The following ZBTB40 variants were observed in gnomAD, a reference collection of about 807,000 sequenced individuals.
The protein encoded by ZBTB40 is zinc finger and BTB domain containing 40.
In ZBTB40, 60 loss-of-function variants were observed where a neutral mutation model predicts 117.5. The ratio of observed to expected loss-of-function variants is 0.51; its 90% CI spans 0.41 to 0.63. The LOEUF is 0.63. Among genes scored for constraint, ZBTB40 ranks in the 30% least tolerant of loss-of-function variants. The pLI, the probability that ZBTB40 is intolerant of heterozygous loss-of-function variation, is 0.00. For missense variants in ZBTB40, 1,287 were observed against 1,498.5 expected, an observed-to-expected ratio of 0.86 and a Z score of 2.33; for synonymous variants, 525 against 577.1, an observed-to-expected ratio of 0.91 and a Z score of 1.29.
rs767354439 is a variant in ZBTB40, at chr1:22,526,402, C to G, written c.*6C>G. ...TCTGTGGTGAGGCCAAATGAGCAGC[C>G]TTTCATCCGGCAGAGCCTTCCTGCG... On this transcript the variant is annotated 3_prime_UTR_variant, in exon 18 of 18. Transcript: ENST00000375647. 1.9e-6 allele frequency: 3 copies of G among 1,613,904 alleles called. No homozygotes were observed. Among genetic ancestry groups the G allele is most frequent in the Non-Finnish European group, 1.7e-6 (2 of 1,180,022 alleles).
chr1:22,435,437 T>G (rs1265699583), intron 1 of ZBTB40, among the ~76,000 whole-genome samples: 2 of 152,344 alleles, frequency 1.3e-5, no homozygotes, highest in South Asian at 2.1e-4. Flanking sequence ...CCACCTTATC[T>G]TAGCACATTT....
chr1:22,440,097 T>C (rs188555364), intron 1 of ZBTB40, among the ~76,000 whole-genome samples: 2 of 152,226 alleles, frequency 1.3e-5, no homozygotes, highest in Non-Finnish European at 2.9e-5. Context: ...AATGGAACTG[T>C]TTTTGTAATT....
rs559798879 is a variant in ZBTB40, at chr1:22,495,536, G to A, written c.831+4003G>A. Among the ~76,000 whole-genome samples the A allele has an allele frequency of 3.3e-5, 5 of 151,980 alleles. No individual in the cohort carries two copies. The South Asian group carries it at 8.3e-4, about 25-fold the overall frequency. On this transcript the variant is annotated intron_variant, in intron 3 of 17. Transcript: ENST00000375647. Reference sequence around the variant, plus strand: ...TGTTTTGTTTTGTTTTTTTGAGACGGAATCTTGCTCTGTTGCCCAGGCTGG... The same window carrying A: ...TGTTTTGTTTTGTTTTTTTGAGACGAAATCTTGCTCTGTTGCCCAGGCTGG...
chr1:22,442,079 A>C (rs990795469), intron 1 of ZBTB40, among the ~76,000 whole-genome samples: 3 of 152,054 alleles, frequency 2.0e-5, no homozygotes, highest in Non-Finnish European at 2.9e-5. Context: ...TGCATTTTCC[A>C]CTTTTACTTC....
At chr1:22,455,486 C>G (rs1640984303) in intron 1 of ZBTB40, among the ~76,000 whole-genome samples, 1 of 152,212 alleles carries the variant, frequency 6.6e-6, no homozygotes, top group Non-Finnish European at 1.5e-5. Context: ...AAGACACATT[C>G]TAACCCTGCA....
chr1:22,488,878 G>A (rs1638546482), intron 1 of ZBTB40, among the ~76,000 whole-genome samples: 1 of 152,206 alleles, frequency 6.6e-6, no homozygotes, highest in Non-Finnish European at 1.5e-5. Flanking sequence ...GGTAAGAGAT[G>A]ATGGCAGTTT....
chr1:22,521,925 C>T (rs757056526), intron 15 of ZBTB40, among the ~76,000 whole-genome samples: 24 of 152,176 alleles, frequency 1.6e-4, no homozygotes, highest in Non-Finnish European at 3.2e-4. Flanking sequence ...AGGGTGTCAG[C>T]CTCAGTGGTA....
intron 1 of ZBTB40, among the ~76,000 whole-genome samples, chr1:22,475,465 C>T (rs547850253): frequency 2.0e-5 from 3 of 152,174 alleles, no homozygotes; most frequent in African/African-American, 7.2e-5. Flanking sequence ...GTGCCAGTTG[C>T]CTGCAAGCAT....
chr1:22,509,370 A>C (rs955747808), intron 9 of ZBTB40, 137 bp downstream of exon 9: 13 of 1,309,028 alleles, frequency 9.9e-6, no homozygotes, highest in Non-Finnish European at 1.4e-5. Flanking sequence ...CTTTTGAGAC[A>C]GAGTCTTGCT....
chr1:22,454,066 C>G (rs1220520604), intron 1 of ZBTB40, among the ~76,000 whole-genome samples: 1 of 152,210 alleles, frequency 6.6e-6, no homozygotes, highest in African/African-American at 2.4e-5. Flanking sequence ...TCTTCTGCCT[C>G]AACCTCCTGA....
At chr1:22,518,059 C>T (rs574420558) in intron 13 of ZBTB40, among the ~76,000 whole-genome samples, 1 of 152,310 alleles carries the variant, frequency 6.6e-6, no homozygotes, top group East Asian at 1.9e-4. Context: ...TATACACACA[C>T]AGGAAGGAAG....
At chr1:22,433,412 G>A (rs1569731195) in intron 1 of ZBTB40, among the ~76,000 whole-genome samples, 4 of 34,584 alleles carry the variant, frequency 1.2e-4, no homozygotes, top group South Asian at 1.9e-3. Flanking sequence ...CAGCCTGGGC[G>A]ACAGAGCAAG....
chr1:22,491,655 T>C, intron 3 of ZBTB40, 122 bp downstream of exon 3: 2 of 1,200,952 alleles, frequency 1.7e-6, no homozygotes, highest in Non-Finnish European at 2.4e-6. Flanking sequence ...AATTTTTTTT[T>C]TTTTTTGGAC....
intron 11 of ZBTB40, among the ~76,000 whole-genome samples, chr1:22,512,686 A>G (rs1042797203): frequency 6.6e-6 from 1 of 152,182 alleles, no homozygotes. Flanking sequence ...TAAGCCCAGC[A>G]TTACTTTCCA....
rs150630218 is a variant in ZBTB40, at chr1:22,495,809, C to A, written c.831+4276C>A. ...GGGATTACAGGCATGAGCCACCGCA[C>A]CCAGCCTTTTTTACGTTTTAGGAAT... On this transcript the variant is annotated intron_variant, in intron 3 of 17. Coordinates refer to ENST00000375647, the MANE Select transcript of ZBTB40 (RefSeq NM_014870.4). Among the ~76,000 whole-genome samples the A allele has an allele frequency of 1.0e-3, 156 of 152,338 alleles. 2 individuals carry two copies. In the East Asian group the frequency reaches 0.026, roughly 25 times the overall value.
At chr1:22,444,261 T>C (rs943372094) in intron 1 of ZBTB40, among the ~76,000 whole-genome samples, 10 of 151,672 alleles carry the variant, frequency 6.6e-5, no homozygotes, top group South Asian at 4.2e-4. Context: ...AAAATATATA[T>C]ATATAAAAAT....
At chr1:22,497,916 T>C (rs958290877) in intron 3 of ZBTB40, among the ~76,000 whole-genome samples, 1 of 152,180 alleles carries the variant, frequency 6.6e-6, no homozygotes, top group Non-Finnish European at 1.5e-5. Context: ...TTGTAGTCTC[T>C]ATCATTATTG....
chr1:22,442,411 T>C (rs1346858509), intron 1 of ZBTB40, among the ~76,000 whole-genome samples: 1 of 150,952 alleles, frequency 6.6e-6, no homozygotes, highest in African/African-American at 2.4e-5. Flanking sequence ...TGGGTTTATA[T>C]GGGGGAGAGA....
At chr1:22,491,867 C>A (rs1458745828) in intron 3 of ZBTB40, among the ~76,000 whole-genome samples, 2 of 151,848 alleles carry the variant, frequency 1.3e-5, no homozygotes, top group Admixed American at 6.6e-5. Context: ...GAGACTTAAA[C>A]CATTAAAATT....
Sources: gnomAD v4.1 joint callset for allele counts (sites outside exome capture counted in the v4.1 genomes callset) on GRCh38, gnomAD v4.1.1 for gene constraint, MANE v1.5 for transcripts, NCBI Gene and HGNC (gene_info 2026-07-23, HGNC 2026-07-21) for gene names.